PRKG1: variants seen among roughly 807,000 people sequenced by gnomAD.
The protein encoded by PRKG1 is protein kinase cGMP-dependent 1.
A neutral mutation model predicts 88.1 loss-of-function variants in PRKG1; 35 were observed. That is an observed-to-expected ratio of 0.40 (90% CI 0.30 to 0.53). The LOEUF (loss-of-function observed/expected upper bound fraction) is 0.53. Ranked by LOEUF, PRKG1 falls within the 20% of genes least tolerant of loss-of-function variation. The pLI is 0.59. For synonymous variants in PRKG1, 303 were observed against 292.5 expected, an observed-to-expected ratio of 1.04 and a Z score of -0.37; for missense variants, 540 against 839.8, an observed-to-expected ratio of 0.64 and a Z score of 4.41.
At chr10:51,278,069 A>G (rs1209090335) in intron 2 of PRKG1, among the ~76,000 whole-genome samples, 1 of 152,192 alleles carries the variant, frequency 6.6e-6, no homozygotes, top group Non-Finnish European at 1.5e-5. Context: ...TTGCCCATTC[A>G]TTATGATATT....
chr10:50,991,838 G>T lies in PRKG1; in HGVS notation c.266+194G>T, dbSNP rs187598885. The stretch of plus-strand genomic sequence containing the variant: ...TTTCTGCCCATCACGTGCTGTGCTT[G>T]TCTCCGCCGGGCTGGGAAAGGCGAG... On this transcript the variant is annotated intron_variant, in intron 1 of 17. Transcript: ENST00000401604. The surrounding 1 kb of genome is among the most constrained non-coding windows in gnomAD (Gnocchi z 4.5). 2.1e-3 allele frequency among the ~76,000 whole-genome samples: 315 copies of T among 152,262 alleles called. 1 individual carries two copies. Among genetic ancestry groups the T allele is most frequent in the Middle Eastern group, 0.01 (3 of 294 alleles).
chr10:52,052,771 C>T lies in PRKG1; in HGVS notation c.763-1713C>T, dbSNP rs150243505. ...ACGGCTCTCATGATTCAATTATCTC[C>T]CACCAGGTCCCTCCTACAACCTGTG... is the stretch of plus-strand genomic sequence containing the variant. On this transcript the variant is annotated intron_variant, in intron 5 of 17. Coordinates refer to ENST00000373980, the MANE Select transcript of PRKG1 (RefSeq NM_006258.4). Among the ~76,000 whole-genome samples, 475 of 152,128 alleles carry T rather than the reference C, an allele frequency of 3.1e-3. 2 individuals are homozygous for T. The highest frequency in any genetic ancestry group is 0.01 in the African/African-American group (426 of 41,498).
At chr10:51,488,821 C>G (rs1840620409) in intron 3 of PRKG1, among the ~76,000 whole-genome samples, 1 of 152,114 alleles carries the variant, frequency 6.6e-6, no homozygotes, top group South Asian at 2.1e-4. Flanking sequence ...CTTGTTATCC[C>G]AGGGATTCAG....
At chr10:51,524,153 T>G (rs1462981934) in intron 3 of PRKG1, among the ~76,000 whole-genome samples, 1 of 152,180 alleles carries the variant, frequency 6.6e-6, no homozygotes, top group African/African-American at 2.4e-5. Context: ...GTAAAAGCTC[T>G]GAGGCCCCCT....
At chr10:52,228,554 G>A (rs1028610771) in intron 9 of PRKG1, among the ~76,000 whole-genome samples, 5 of 152,222 alleles carry the variant, frequency 3.3e-5, no homozygotes, top group Admixed American at 6.5e-5. Flanking sequence ...TCTTCTATGC[G>A]TTTCCTGTTT....
intron 9 of PRKG1, among the ~76,000 whole-genome samples, chr10:52,245,548 T>C (rs746488027): frequency 6.6e-5 from 10 of 152,092 alleles, no homozygotes; most frequent in African/African-American, 1.2e-4. Flanking sequence ...TCATCTTACC[T>C]ACTACAGTTA....
intron 3 of PRKG1, among the ~76,000 whole-genome samples, chr10:51,684,213 T>A (rs190490055): frequency 0.17 from 25,593 of 152,056 alleles, 2,365 homozygotes; most frequent in Non-Finnish European, 0.22. Context: ...AAATTTTTTT[T>A]AAAAATTATG....
intron 7 of PRKG1, among the ~76,000 whole-genome samples, chr10:52,111,178 C>T (rs779883374): frequency 1.3e-5 from 2 of 152,144 alleles, no homozygotes; most frequent in African/African-American, 4.8e-5. Flanking sequence ...CTTTTCATCA[C>T]ACAAGATAGA....
At chr10:51,199,351 A>G (rs1484476193) in intron 2 of PRKG1, among the ~76,000 whole-genome samples, 2 of 152,168 alleles carry the variant, frequency 1.3e-5, no homozygotes, top group Non-Finnish European at 2.9e-5. Flanking sequence ...AACTGCTCTT[A>G]TGATATAACA....
chr10:51,322,820 T>C (rs929719408), intron 2 of PRKG1, among the ~76,000 whole-genome samples: 1 of 152,214 alleles, frequency 6.6e-6, no homozygotes, highest in Non-Finnish European at 1.5e-5. Flanking sequence ...CTTTCTACCC[T>C]CAAAAGCTCA....
intron 7 of PRKG1, among the ~76,000 whole-genome samples, chr10:52,076,983 AAC>A (rs1846643587): frequency 1.3e-5 from 2 of 152,228 alleles, no homozygotes; most frequent in Admixed American, 1.3e-4. Flanking sequence ...AACTTTGGAG[AAC>A]AGTTTGGCAG....
At chr10:51,113,418 A>C (rs1323473279) in intron 1 of PRKG1, among the ~76,000 whole-genome samples, 1 of 152,112 alleles carries the variant, frequency 6.6e-6, no homozygotes, top group Non-Finnish European at 1.5e-5. Flanking sequence ...TTATTATCCC[A>C]CCAATGAAAC....
At chr10:51,130,951 G>A (rs1376688083) in intron 1 of PRKG1, among the ~76,000 whole-genome samples, 5 of 152,030 alleles carry the variant, frequency 3.3e-5, no homozygotes, top group Non-Finnish European at 7.4e-5. Flanking sequence ...AAGCTAAATA[G>A]TGATTAAACT....
chr10:51,818,994 G>A (rs1301824287), intron 4 of PRKG1, among the ~76,000 whole-genome samples: 6 of 46,148 alleles, frequency 1.3e-4, no homozygotes, highest in East Asian at 1.3e-3. Flanking sequence ...GCGACAGAGC[G>A]AGACTCCGTC....
chr10:51,773,166 G>A (rs566330392), intron 3 of PRKG1, among the ~76,000 whole-genome samples: 1 of 151,934 alleles, frequency 6.6e-6, no homozygotes, highest in Non-Finnish European at 1.5e-5. Flanking sequence ...AATTTTAGTT[G>A]TGTTTATTTC....
chr10:51,409,323 C>A (rs1838010357), intron 2 of PRKG1, among the ~76,000 whole-genome samples: 4 of 152,108 alleles, frequency 2.6e-5, no homozygotes, highest in Admixed American at 1.3e-4. Context: ...GAGTGGAGAC[C>A]ATGGGCATTT....
intron 3 of PRKG1, among the ~76,000 whole-genome samples, chr10:51,671,889 G>A (rs955487818): frequency 2.0e-5 from 3 of 151,924 alleles, no homozygotes; most frequent in South Asian, 2.1e-4. Flanking sequence ...GTGAATTTAC[G>A]GCCAGCTCTA....
intron 5 of PRKG1, among the ~76,000 whole-genome samples, chr10:51,944,970 T>C (rs1362054886): frequency 1.3e-5 from 2 of 151,492 alleles, no homozygotes; most frequent in African/African-American, 4.9e-5. Context: ...GTCTATTAGG[T>C]CTGCTTGGTG....
chr10:52,054,659 T>C lies in PRKG1; in HGVS notation c.840+98T>C, dbSNP rs541416384. ...CATGCAGAGTCTTGTGCTATATGAG[T>C]TTGTTCCATTTTTTGACACAGAGAG... On this transcript the variant is annotated intron_variant, in intron 6 of 17. Coordinates refer to ENST00000373980, the MANE Select transcript of PRKG1 (RefSeq NM_006258.4). 9.6e-5 allele frequency: 96 copies of C among 1,001,836 alleles called. No individual in the cohort carries two copies. In the African/African-American group the frequency reaches 1.4e-3, roughly 15 times the overall value. 62.1% of individuals were successfully genotyped at this position (1,001,836 alleles called of 1,614,324 possible).
Sources: gnomAD v4.1 joint callset for allele counts (sites outside exome capture counted in the v4.1 genomes callset) on GRCh38, gnomAD v4.1.1 for gene constraint, Gnocchi (gnomAD v3.1) non-coding constraint, MANE v1.5 for transcripts, NCBI Gene and HGNC (gene_info 2026-07-23, HGNC 2026-07-21) for gene names.